NRG3: variants seen among roughly 807,000 people sequenced by gnomAD.
NRG3 encodes neuregulin 3.
In NRG3, 31 loss-of-function variants were observed where a neutral mutation model predicts 66.9. That is an observed-to-expected ratio of 0.46 (90% CI 0.35 to 0.63). The LOEUF is 0.63. Among genes scored for constraint, NRG3 ranks in the 20% least tolerant of loss-of-function variants. The pLI is 0.00. For missense variants in NRG3, 910 were observed against 878.9 expected (o/e 1.04, Z -0.45); for synonymous variants, 393 against 359.4 (o/e 1.09, Z -1.06).
intron 1 of NRG3, among the ~76,000 whole-genome samples, chr10:82,169,800 A>C (rs903221673): frequency 6.6e-6 from 1 of 151,692 alleles, no homozygotes; most frequent in Admixed American, 6.6e-5. Flanking sequence ...CTTTCAGTAT[A>C]TCATTTTTAT....
At position 82,593,423 on chromosome 10, in the gene NRG3, G is replaced by A. The variant is rs570366536; in HGVS notation, c.954-145154G>A. Among the ~76,000 whole-genome samples, 3 of 152,286 alleles carry A rather than the reference G, an allele frequency of 2.0e-5. No homozygotes were observed. The East Asian group carries it at 5.8e-4, about 29-fold the overall frequency. ...AATGTCACAGTCTGTATTTGCATTT[G>A]ATTATAGGAGCTACCTTTATTTATA... On this transcript the variant is annotated intron_variant, in intron 2 of 8. Coordinates refer to ENST00000372141, the MANE Select transcript of NRG3 (RefSeq NM_001010848.4).
At chr10:82,849,267 A>T (rs2063453934) in intron 3 of NRG3, among the ~76,000 whole-genome samples, 1 of 152,184 alleles carries the variant, frequency 6.6e-6, no homozygotes, top group Non-Finnish European at 1.5e-5. Flanking sequence ...ATCAGAAGCT[A>T]GGAGAGTGAC....
chr10:82,480,443 T>C (rs565604891), intron 2 of NRG3, among the ~76,000 whole-genome samples: 18 of 152,284 alleles, frequency 1.2e-4, no homozygotes, highest in Admixed American at 1.2e-3. Context: ...AAATAATTGG[T>C]GCTTATGAAA....
In NRG3 at chr10:82,464,962, A is replaced by G. The variant is rs1014758720; in HGVS notation, c.953+106094A>G. On this transcript the variant is annotated intron_variant, in intron 2 of 8. Transcript: ENST00000372141. The stretch of plus-strand genomic sequence containing the variant: ...GGCCAGGAATGCAGGCTTCTGACTT[A>G]TGGTCATAGCTGCCGAGGGCTGCCT... Among the ~76,000 whole-genome samples, 5 of 148,208 alleles carry G rather than the reference A, an allele frequency of 3.4e-5. No homozygotes were observed. The East Asian group carries it at 5.8e-4, about 17-fold the overall frequency.
At chr10:82,932,020 G>A (rs958046758) in intron 4 of NRG3, among the ~76,000 whole-genome samples, 5 of 152,124 alleles carry the variant, frequency 3.3e-5, no homozygotes, top group African/African-American at 9.7e-5. Flanking sequence ...GCCTTGAACA[G>A]TTTACAGTCT....
At chr10:82,961,299 A>G (rs536718879) in intron 6 of NRG3, among the ~76,000 whole-genome samples, 26 of 152,348 alleles carry the variant, frequency 1.7e-4, no homozygotes, top group African/African-American at 6.0e-4. Context: ...AAAAATTAAT[A>G]TTGTTAAATG....
chr10:82,431,655 T>C (rs1314898954), intron 2 of NRG3, among the ~76,000 whole-genome samples: 1 of 152,140 alleles, frequency 6.6e-6, no homozygotes, highest in Non-Finnish European at 1.5e-5. Flanking sequence ...AAGTTAGATT[T>C]ATAAAAGGGG....
intron 2 of NRG3, among the ~76,000 whole-genome samples, chr10:82,436,833 T>G (rs1670346791): frequency 6.6e-6 from 1 of 152,156 alleles, no homozygotes; most frequent in African/African-American, 2.4e-5. Flanking sequence ...GGGTTGAAAA[T>G]TATTTTCTTT....
At chr10:81,984,796 T>C (rs1028745663) in intron 1 of NRG3, among the ~76,000 whole-genome samples, 84 of 152,232 alleles carry the variant, frequency 5.5e-4, no homozygotes, top group Non-Finnish European at 1.0e-4. Context: ...GTTTTATTAC[T>C]ATACATATAC....
intron 2 of NRG3, among the ~76,000 whole-genome samples, chr10:82,405,024 G>C (rs570779810): frequency 2.5e-4 from 38 of 152,136 alleles, no homozygotes; most frequent in Non-Finnish European, 5.0e-4. Context: ...AGAGTGGTGA[G>C]AGAATGATCC....
chr10:82,569,415 G>T (rs145432308), intron 2 of NRG3, among the ~76,000 whole-genome samples: 183 of 151,798 alleles, frequency 1.2e-3, no homozygotes, highest in African/African-American at 4.0e-3. Context: ...AACTTTAACT[G>T]ATTTTCCCCT....
At chr10:81,919,350 GCCTCTTAAA>G (rs1846031356) in intron 1 of NRG3, among the ~76,000 whole-genome samples, 1 of 152,174 alleles carries the variant, frequency 6.6e-6, no homozygotes, top group Non-Finnish European at 1.5e-5. Context: ...GATCTGATCT[GCCTCTTAAA>G]CCTCTTTGAA....
At chr10:82,099,150 G>A (rs1268707300) in intron 1 of NRG3, among the ~76,000 whole-genome samples, 1 of 151,972 alleles carries the variant, frequency 6.6e-6, no homozygotes, top group African/African-American at 2.4e-5. Flanking sequence ...TTGCTGTTCT[G>A]TATAAAAAAA....
At chr10:82,106,598 TG>T (rs2067076313) in intron 1 of NRG3, among the ~76,000 whole-genome samples, 1 of 151,692 alleles carries the variant, frequency 6.6e-6, no homozygotes. Context: ...CTCCGCCTCC[TG>T]GGTTCAAGTG....
intron 3 of NRG3, among the ~76,000 whole-genome samples, chr10:82,815,087 A>G (rs1029516095): frequency 1.6e-4 from 25 of 152,200 alleles, no homozygotes; most frequent in African/African-American, 6.0e-4. Context: ...CTCCTGGTTT[A>G]AAGAAGTATC....
At chr10:81,945,398 G>A (rs1422043997) in intron 1 of NRG3, among the ~76,000 whole-genome samples, 1 of 152,004 alleles carries the variant, frequency 6.6e-6, no homozygotes, top group South Asian at 2.1e-4. Flanking sequence ...TTCACTGAAT[G>A]AATGAAAACA....
intron 2 of NRG3, among the ~76,000 whole-genome samples, chr10:82,405,482 T>G (rs1268244085): frequency 1.5e-5 from 2 of 134,820 alleles, no homozygotes; most frequent in African/African-American, 6.2e-5. Context: ...TGAAATGGAG[T>G]CTCGCTCTGT....
intron 1 of NRG3, among the ~76,000 whole-genome samples, chr10:82,032,288 A>G (rs2062605773): frequency 6.6e-6 from 1 of 152,084 alleles, no homozygotes; most frequent in South Asian, 2.1e-4. Context: ...TCATTTTAAG[A>G]ATACTGAAGA....
chr10:82,259,025 GTTGGGTGC>G, intron 1 of NRG3, among the ~76,000 whole-genome samples: 1 of 152,176 alleles, frequency 6.6e-6, no homozygotes, highest in South Asian at 2.1e-4. Flanking sequence ...GAAGATGAAA[GTTGGGTGC>G]TGGGTGTGAC....
Sources: gnomAD v4.1 joint callset for allele counts (sites outside exome capture counted in the v4.1 genomes callset) on GRCh38, gnomAD v4.1.1 for gene constraint, MANE v1.5 for transcripts, NCBI Gene and HGNC (gene_info 2026-07-23, HGNC 2026-07-21) for gene names.